MAGEA4: variants seen among roughly 807,000 people sequenced by gnomAD.
The protein encoded by MAGEA4 is MAGE family member A4.
A neutral mutation model predicts 13.7 loss-of-function variants in MAGEA4; 1 was observed. The observed-to-expected ratio is 0.07, with a 90% CI of 0.03 to 0.35. MAGEA4 has a LOEUF of 0.35. MAGEA4 is among the 10% of genes least tolerant of loss of function. MAGEA4 has a pLI of 0.99. For synonymous variants in MAGEA4, 132 were observed against 101.1 expected (o/e 1.31, Z -1.83); for missense variants, 312 against 245.1 (o/e 1.27, Z -1.82).
At chrX:151,913,574 C>G (rs1932995963) in intron 1 of MAGEA4, 12 of 751,273 alleles carry the variant, frequency 1.6e-5, no homozygotes, top group Non-Finnish European at 1.9e-5. Flanking sequence ...GGGCCAGGCC[C>G]TGTGAGGAGT....
In MAGEA4 at chrX:151,924,344, G is replaced by A; in HGVS notation, c.680G>A (p.Gly227Asp). Residue 227 changes from glycine (G) to aspartate (D), a missense_variant, in exon 3 of 3, where the codon GGT (glycine) becomes GAT (aspartate). Physicochemically the swap from Gly to Asp is moderately conservative, Grantham distance 94. Transcript: ENST00000276344. The part of the protein sequence containing the change: ...ASEEEIWEEL[G>D]VMGVYDGREH... Reference sequence around the variant, plus strand: ...GAGGAGGAAATCTGGGAGGAGCTGGGTGTGATGGGGGTGTATGATGGGAGG... The same window carrying A: ...GAGGAGGAAATCTGGGAGGAGCTGGATGTGATGGGGGTGTATGATGGGAGG... 7 of 1,211,307 alleles carry A rather than the reference G, an allele frequency of 5.8e-6. No individual in the cohort carries two copies. The highest frequency in any genetic ancestry group is 7.8e-6 in the Non-Finnish European group (7 of 895,199).
At chrX:151,920,544 C>T (rs1933378156) in intron 1 of MAGEA4, among the ~76,000 whole-genome samples, 1 of 101,660 alleles carries the variant, frequency 9.8e-6, no homozygotes, top group South Asian at 4.8e-4. Context: ...GTGTCCCCCA[C>T]CCCCATTCCT....
At chrX:151,912,599 T>TCCCCACCCCCATTCCTATC, upstream of MAGEA4, 1 of 310,499 alleles carries the variant, frequency 3.2e-6, no homozygotes, top group Non-Finnish European at 6.2e-6. Flanking sequence ...AGCTGAGGGT[T>TCCCCACCCCCATTCCTATC]CCCCACCCCC....
intron 2 of MAGEA4, 35 bp downstream of exon 2, chrX:151,923,559 G>T (rs1933545717): frequency 8.3e-7 from 1 of 1,209,331 alleles, no homozygotes; most frequent in African/African-American, 1.7e-5. Flanking sequence ...CTAAGATTTG[G>T]TTCTCAGCTG....
chrX:151,913,176 G>T (rs889489853), intron 1 of MAGEA4, among the ~76,000 whole-genome samples: 4 of 110,115 alleles, frequency 3.6e-5, no homozygotes, highest in African/African-American at 6.6e-5. Flanking sequence ...GTGGGGGCAG[G>T]CTCTGCCAGG....
At chrX:151,920,668 CT>C (rs1933392356) in intron 1 of MAGEA4, among the ~76,000 whole-genome samples, 1 of 101,760 alleles carries the variant, frequency 9.8e-6, no homozygotes, top group Non-Finnish European at 2.0e-5. Context: ...TCCCCCACCC[CT>C]ACCTTCATCC....
intron 1 of MAGEA4, among the ~76,000 whole-genome samples, chrX:151,918,058 A>C (rs1603067615): frequency 2.2e-5 from 1 of 44,569 alleles, no homozygotes; most frequent in Non-Finnish European, 4.0e-5. Context: ...GCCATCTGCC[A>C]CCCCAAAAAC....
intron 1 of MAGEA4, chrX:151,918,945 T>TG: frequency 1.3e-6 from 1 of 750,756 alleles, no homozygotes; most frequent in South Asian, 6.9e-5. Context: ...GCCACTGACT[T>TG]GCGCATTCGG....
intron 1 of MAGEA4, chrX:151,919,130 C>A: frequency 1.4e-6 from 1 of 708,510 alleles, no homozygotes. Context: ...CGTGGGCCAC[C>A]CGTGGGCTGA....
intron 1 of MAGEA4, chrX:151,919,656 C>T (rs956538797): frequency 1.3e-6 from 1 of 751,365 alleles, no homozygotes; most frequent in African/African-American, 2.3e-5. Context: ...GAAAAGCGAG[C>T]TGCTCTGTCT....
In MAGEA4 at chrX:151,924,859, G is replaced by A; in HGVS notation, c.*241G>A. The stretch of plus-strand genomic sequence containing the variant: ...TTAATGGATGGTTGAATTAACTTCA[G>A]CATCCAAGTTTATGAATCGTAGTTA... On this transcript the variant is annotated 3_prime_UTR_variant, in exon 3 of 3. Transcript: ENST00000276344. The A allele has an allele frequency of 5.8e-6, 2 of 345,855 alleles. No homozygotes were observed. Among genetic ancestry groups the A allele is most frequent in the Non-Finnish European group, 1.0e-5 (2 of 195,613 alleles). The allele number at this position is 345,855 out of a possible 1,213,427, so 28.5% of individuals were successfully genotyped here.
rs1189948627 is a variant in MAGEA4, at chrX:151,924,438, G to A, written c.774G>A (p.Glu258=). 8.3e-6 allele frequency: 10 copies of A among 1,209,843 alleles called. No individual in the cohort carries two copies. The African/African-American group carries it at 1.7e-4, about 21-fold the overall frequency. The change falls in exon 3 of 3, where the codon GAG becomes GAA. Residue 258 remains glutamate (E), a synonymous_variant. Transcript: ENST00000276344. ...TQDWVQENYL[E]YRQVPGSNPA... is the part of the protein sequence containing the mutation. ...ATTGGGTGCAGGAAAACTACCTGGA[G>A]TACCGGCAGGTACCCGGCAGTAATC...
intron 1 of MAGEA4, chrX:151,919,633 A>G (rs903712748): frequency 3.5e-5 from 26 of 748,253 alleles, no homozygotes; most frequent in South Asian, 6.9e-5. Flanking sequence ...TGACTTGCGC[A>G]TTGGGGGTTA....
intron 1 of MAGEA4, among the ~76,000 whole-genome samples, chrX:151,922,765 C>T (rs1933508119): frequency 9.0e-6 from 1 of 111,574 alleles, no homozygotes; most frequent in Non-Finnish European, 1.9e-5. Flanking sequence ...CCTCTCTTAT[C>T]CTGGGATCAC....
At chrX:151,919,785 G>C (rs1382309820) in intron 1 of MAGEA4, 2 of 743,006 alleles carry the variant, frequency 2.7e-6, no homozygotes, top group East Asian at 1.6e-4. Flanking sequence ...AAATAATCCC[G>C]AACCACTCAT....
At chrX:151,912,820 C>A, upstream of MAGEA4, 1 of 127,524 alleles carries the variant, frequency 7.8e-6, no homozygotes, top group Non-Finnish European at 1.5e-5. Context: ...CCCGGTTCCG[C>A]CCCCGCTTTC....
At chrX:151,922,242 T>C (rs915365283) in intron 1 of MAGEA4, among the ~76,000 whole-genome samples, 3 of 111,518 alleles carry the variant, frequency 2.7e-5, no homozygotes, top group African/African-American at 9.8e-5. Context: ...TCCCCTGTTC[T>C]TAGCTCAGGG....
rs199984362 is a variant in MAGEA4, at chrX:151,924,453, C to T, written c.789C>T (p.Pro263=). 41 of 1,209,975 alleles carry T rather than the reference C, an allele frequency of 3.4e-5. No individual in the cohort carries two copies. The highest frequency in any genetic ancestry group is 2.2e-4 in the Admixed American group (10 of 45,851). ...ACTACCTGGAGTACCGGCAGGTACCCGGCAGTAATCCTGCGCGCTATGAGT... is the reference window on the plus strand; with the variant it reads ...ACTACCTGGAGTACCGGCAGGTACCTGGCAGTAATCCTGCGCGCTATGAGT... ...QENYLEYRQV[P]GSNPARYEFL... Residue 263 remains proline (P), a synonymous_variant, in exon 3 of 3, where the codon CCC becomes CCT. Transcript: ENST00000276344.
At chrX:151,921,191 C>T (rs928969922) in intron 1 of MAGEA4, among the ~76,000 whole-genome samples, 3 of 112,587 alleles carry the variant, frequency 2.7e-5, no homozygotes, top group Admixed American at 9.3e-5. Context: ...CCACCCTCAC[C>T]AGGCAGAATC....
Sources: gnomAD v4.1 joint callset for allele counts (sites outside exome capture counted in the v4.1 genomes callset) on GRCh38, gnomAD v4.1.1 for gene constraint, MANE v1.5 for transcripts, NCBI Gene and HGNC (gene_info 2026-07-23, HGNC 2026-07-21) for gene names.